ADAMTS12: variants seen among roughly 807,000 people sequenced by gnomAD.
ADAMTS12 encodes the protein A disintegrin and metalloproteinase with thrombospondin motifs 12.
ADAMTS12 carries 118 observed loss-of-function variants against 167.8 expected under a neutral mutation model. That is an observed-to-expected ratio of 0.70 (90% CI 0.61 to 0.82). The LOEUF is 0.82. Ranked by LOEUF, ADAMTS12 falls within the 40% of genes least tolerant of loss-of-function variation. ADAMTS12 has a pLI of 0.00. For missense variants in ADAMTS12, 1,916 were observed against 1,998.8 expected, an observed-to-expected ratio of 0.96 and a Z score of 0.79; for synonymous variants, 704 against 716.9, an observed-to-expected ratio of 0.98 and a Z score of 0.29.
At position 33,642,042 on chromosome 5, in the gene ADAMTS12, T is replaced by C. The variant is rs1401094466; in HGVS notation, c.1573-87A>G. The C allele has an allele frequency of 2.2e-6, 3 of 1,337,436 alleles. No individual in the cohort carries two copies. The Admixed American group carries it at 7.7e-5, about 34-fold the overall frequency. 82.8% of individuals were successfully genotyped at this position (1,337,436 alleles called of 1,614,324 possible). ...AGAGCCCTAAAAGTCTAAACCCAATTCTCTGCAAGCAAGCCGGCTTTCTAC... is the reference window on the plus strand; with the variant it reads ...AGAGCCCTAAAAGTCTAAACCCAATCCTCTGCAAGCAAGCCGGCTTTCTAC... On this transcript the variant is annotated intron_variant, in intron 10 of 23. Transcript: ENST00000504830.
At position 33,576,154 on chromosome 5, in the gene ADAMTS12, G is replaced by C. The variant is rs1746698197; in HGVS notation, c.3872C>G (p.Thr1291Arg). Residue 1291 changes from threonine (T) to arginine (R), a missense_variant, in exon 19 of 24, where the codon ACA becomes AGA. Transcript: ENST00000504830. ...SEPVLTEEDATSLITEGFLLN... is the reference protein window; with the variant it reads ...SEPVLTEEDARSLITEGFLLN... ...CAAAAAGCCCTCAGTAATCAGACTT[G>C]TTGCATCCTCCTCAGTCAGGACTGG... 6.2e-7 allele frequency: 1 copy of C among 1,614,066 alleles called. No homozygotes were observed. Among genetic ancestry groups the C allele is most frequent in the Non-Finnish European group, 8.5e-7 (1 of 1,180,048 alleles).
intron 3 of ADAMTS12, among the ~76,000 whole-genome samples, chr5:33,699,291 TG>T (rs1742902170): frequency 6.6e-6 from 1 of 152,086 alleles, no homozygotes; most frequent in East Asian, 1.9e-4. Flanking sequence ...TTGACAAATG[TG>T]CAAAGCAATT....
intron 9 of ADAMTS12, among the ~76,000 whole-genome samples, chr5:33,648,145 G>T (rs1157500952): frequency 6.6e-6 from 1 of 152,234 alleles, no homozygotes; most frequent in African/African-American, 2.4e-5. Context: ...AATCACGAAG[G>T]ACTGCCTCAA....
At chr5:33,565,663 GT>G (rs909939692) in intron 19 of ADAMTS12, among the ~76,000 whole-genome samples, 4 of 127,224 alleles carry the variant, frequency 3.1e-5, no homozygotes, top group Middle Eastern at 3.6e-3. Flanking sequence ...ACTGTTGCCA[GT>G]TTTTTGTTTG....
chr5:33,609,679 C>T (rs746055934), intron 16 of ADAMTS12, among the ~76,000 whole-genome samples: 3 of 152,060 alleles, frequency 2.0e-5, no homozygotes, highest in Non-Finnish European at 4.4e-5. Flanking sequence ...AATAAGTCAA[C>T]GTAAACAAAG....
At chr5:33,728,340 C>T (rs1425776124) in intron 3 of ADAMTS12, among the ~76,000 whole-genome samples, 4 of 152,234 alleles carry the variant, frequency 2.6e-5, no homozygotes, top group African/African-American at 9.6e-5. Context: ...GAAAGGGATG[C>T]TCTGAGCAAA....
intron 1 of ADAMTS12, among the ~76,000 whole-genome samples, chr5:33,886,966 T>A (rs1750657242): frequency 6.6e-6 from 1 of 152,064 alleles, no homozygotes. Context: ...TTGTTGGTTT[T>A]AAAGGTAGGA....
At chr5:33,614,674 T>C (rs1387594093) in intron 15 of ADAMTS12, among the ~76,000 whole-genome samples, 13 of 152,212 alleles carry the variant, frequency 8.5e-5, no homozygotes, top group Admixed American at 8.5e-4. Context: ...TCAAATCATA[T>C]GGGGAGTACT....
chr5:33,569,088 C>A (rs1455322705), intron 19 of ADAMTS12, among the ~76,000 whole-genome samples: 1 of 152,250 alleles, frequency 6.6e-6, no homozygotes, highest in African/African-American at 2.4e-5. Flanking sequence ...ACAAAGCAGC[C>A]AGGAAGCTCG....
intron 3 of ADAMTS12, among the ~76,000 whole-genome samples, chr5:33,691,545 A>G (rs1742546909): frequency 6.6e-6 from 1 of 152,186 alleles, no homozygotes; most frequent in Non-Finnish European, 1.5e-5. Flanking sequence ...ATCTTGCCGG[A>G]ACAGAAATAC....
At chr5:33,810,263 C>T (rs1251564779) in intron 2 of ADAMTS12, among the ~76,000 whole-genome samples, 1 of 152,148 alleles carries the variant, frequency 6.6e-6, no homozygotes, top group Non-Finnish European at 1.5e-5. Context: ...AATTTAATGT[C>T]CTTTCAAGAG....
intron 2 of ADAMTS12, among the ~76,000 whole-genome samples, chr5:33,808,487 G>T (rs983135993): frequency 6.6e-6 from 1 of 152,212 alleles, no homozygotes; most frequent in Non-Finnish European, 1.5e-5. Flanking sequence ...TTATAGGAAT[G>T]AATTGCATAC....
chr5:33,643,081 A>C (rs1740526058), intron 10 of ADAMTS12, among the ~76,000 whole-genome samples: 1 of 152,218 alleles, frequency 6.6e-6, no homozygotes, highest in Non-Finnish European at 1.5e-5. Flanking sequence ...GGCTGATAAT[A>C]AGCTTAGGAA....
rs186878775 is a variant in ADAMTS12 at position 33,678,685 on chromosome 5, G to A, written c.915+4333C>T. On this transcript the variant is annotated intron_variant, in intron 5 of 23. Coordinates refer to ENST00000504830, the MANE Select transcript of ADAMTS12 (RefSeq NM_030955.4). ...TCTCAAGAGCAAAGGCAGGAATAGC[G>A]AGAGATGAGAAAGGGAATCAGAAAA... Among the ~76,000 whole-genome samples, 13 of 152,270 alleles carry A rather than the reference G, an allele frequency of 8.5e-5. No homozygotes were observed. In the East Asian group the frequency reaches 1.2e-3, roughly 14 times the overall value.
At chr5:33,887,129 T>A (rs555396632) in intron 1 of ADAMTS12, among the ~76,000 whole-genome samples, 1 of 152,012 alleles carries the variant, frequency 6.6e-6, no homozygotes, top group Non-Finnish European at 1.5e-5. Context: ...AAAGCAGAAC[T>A]CAGAGGAGAT....
chr5:33,649,055 A>T, intron 8 of ADAMTS12, 89 bp from the exon 9 acceptor site: 1 of 1,503,184 alleles, frequency 6.7e-7, no homozygotes, highest in Middle Eastern at 1.8e-4. Context: ...CCTCTGGTTT[A>T]CTCTTTGTCC....
At chr5:33,833,327 A>G (rs910159555) in intron 2 of ADAMTS12, among the ~76,000 whole-genome samples, 8 of 152,224 alleles carry the variant, frequency 5.3e-5, no homozygotes, top group Admixed American at 1.3e-4. Context: ...GCATTTCTGT[A>G]TCTGTGACTG....
chr5:33,721,371 T>C (rs1460595911), intron 3 of ADAMTS12, among the ~76,000 whole-genome samples: 1 of 152,114 alleles, frequency 6.6e-6, no homozygotes, highest in East Asian at 1.9e-4. Context: ...TAATGAGAAG[T>C]ACACATGAGA....
chr5:33,672,218 TAC>T, intron 5 of ADAMTS12, among the ~76,000 whole-genome samples: 1 of 126,788 alleles, frequency 7.9e-6, no homozygotes, highest in African/African-American at 3.1e-5. Flanking sequence ...CCCACATACA[TAC>T]ACACAGATCC....
Sources: gnomAD v4.1 joint callset for allele counts (sites outside exome capture counted in the v4.1 genomes callset) on GRCh38, gnomAD v4.1.1 for gene constraint, MANE v1.5 for transcripts, NCBI Gene and HGNC (gene_info 2026-07-23, HGNC 2026-07-21) for gene names.